CR1: variants seen among roughly 807,000 people sequenced by gnomAD.
The protein encoded by CR1 is complement receptor type 1.
In CR1, 116 loss-of-function variants were observed where a neutral mutation model predicts 187.3. That is an observed-to-expected ratio of 0.62 (90% CI 0.53 to 0.72). CR1 has a LOEUF of 0.72. CR1 is among the 30% of genes least tolerant of loss of function. CR1 has a pLI of 0.00. For missense variants in CR1, 1,731 were observed against 2,110.7 expected (o/e 0.82, Z 3.52); for synonymous variants, 576 against 747.1 (o/e 0.77, Z 3.73).
At chr1:207,585,199 T>A (rs1746659) in intron 33 of CR1, among the ~76,000 whole-genome samples, 60,260 of 152,012 alleles carry the variant, frequency 0.4, 16,411 homozygotes, top group African/African-American at 0.77. Flanking sequence ...CATGAAAACA[T>A]CTGCCTCTGA....
chr1:207,506,128 G>T (rs1341120461), intron 2 of CR1, 45 bp downstream of exon 2: 1 of 1,594,004 alleles, frequency 6.3e-7, no homozygotes, highest in African/African-American at 1.3e-5. Context: ...TCAAACATCT[G>T]TAAGATCTGA....
At chr1:207,607,062 T>G (rs1269779977) in intron 35 of CR1, among the ~76,000 whole-genome samples, 189 bp from the exon 36 acceptor site, 2 of 152,156 alleles carry the variant, frequency 1.3e-5, no homozygotes, top group South Asian at 4.1e-4. Flanking sequence ...ATTGGAGAGG[T>G]CAAAATGTAA....
At chr1:207,634,350 T>C (rs1172730989) in intron 46 of CR1, among the ~76,000 whole-genome samples, 1 of 152,238 alleles carries the variant, frequency 6.6e-6, no homozygotes, top group Non-Finnish European at 1.5e-5. Context: ...CTTTTAAGAT[T>C]AGAATTTTGA....
At chr1:207,631,578 T>A (rs1473971208) in intron 46 of CR1, among the ~76,000 whole-genome samples, 5 of 152,096 alleles carry the variant, frequency 3.3e-5, no homozygotes, top group African/African-American at 1.2e-4. Context: ...TTCCCAGGCC[T>A]CTCTCTCTCA....
chr1:207,626,646 C>G (rs929253484), intron 45 of CR1, among the ~76,000 whole-genome samples: 3 of 152,130 alleles, frequency 2.0e-5, no homozygotes, highest in African/African-American at 4.8e-5. Flanking sequence ...TATGGGAGAG[C>G]CACAGTCACA....
At chr1:207,607,436 C>T in intron 36 of CR1, 100 bp downstream of exon 36, 1 of 853,938 alleles carries the variant, frequency 1.2e-6, no homozygotes, top group South Asian at 1.5e-5. Flanking sequence ...AAAGTAGTCT[C>T]TCAGATATTT....
chr1:207,591,004 G>C (rs552382791), intron 35 of CR1, among the ~76,000 whole-genome samples: 1 of 152,128 alleles, frequency 6.6e-6, no homozygotes, highest in African/African-American at 2.4e-5. Context: ...AATAATAGTG[G>C]GAGACTTTAA....
intron 36 of CR1, among the ~76,000 whole-genome samples, chr1:207,607,542 C>G (rs1184748920): frequency 6.6e-6 from 1 of 152,098 alleles, no homozygotes. Context: ...AGGCAAAATA[C>G]CCTACTTTCC....
intron 29 of CR1, among the ~76,000 whole-genome samples, chr1:207,578,671 C>T (rs1474116537): frequency 1.3e-5 from 2 of 152,206 alleles, no homozygotes; most frequent in African/African-American, 4.8e-5. Context: ...CTAAGCGAGA[C>T]ACCCAGGATT....
chr1:207,524,115 G>A (rs1203025022), intron 5 of CR1, 106 bp downstream of exon 5: 10 of 1,597,252 alleles, frequency 6.3e-6, no homozygotes, highest in Admixed American at 1.7e-5. Flanking sequence ...GAGCAGGGTC[G>A]AGGAGCAAAT....
In CR1 at chr1:207,564,676, C is replaced by T. The variant is rs138383268; in HGVS notation, c.3866+442C>T. On this transcript the variant is annotated intron_variant, in intron 23 of 46. Transcript: ENST00000367049. ...GTTAGCTGGGTTTGGTGGCATGTGCCTGTAATCCCAGCTACTCCGGAGGCT... is the reference window on the plus strand; with the variant it reads ...GTTAGCTGGGTTTGGTGGCATGTGCTTGTAATCCCAGCTACTCCGGAGGCT... 7.5e-3 allele frequency among the ~76,000 whole-genome samples: 1,119 copies of T among 150,090 alleles called. 34 individuals carry two copies. Among genetic ancestry groups the T allele is most frequent in the Non-Finnish European group, 0.011 (715 of 67,968 alleles).
At chr1:207,635,144 A>G (rs1662773849) in intron 46 of CR1, among the ~76,000 whole-genome samples, 1 of 152,144 alleles carries the variant, frequency 6.6e-6, no homozygotes, top group South Asian at 2.1e-4. Flanking sequence ...ACACCTGTGG[A>G]TGTTTCTCAT....
chr1:207,618,248 G>GTGACT lies in CR1; in HGVS notation c.7066+3_7066+7dup, dbSNP rs748159133. 1.2e-6 allele frequency: 2 copies of GTGACT among 1,612,808 alleles called. No homozygotes were observed. Among genetic ancestry groups the GTGACT allele is most frequent in the African/African-American group, 2.7e-5 (2 of 74,864 alleles). On this transcript the variant is annotated splice_donor_variant, in intron 42 of 46. Transcript: ENST00000367049. LOFTEE classifies it high-confidence loss of function. ...AGCCAATTGGATCATTATTGCAAAG[G>GTGACT]TGACTTATTTCTTGGTATTCCTTAT...
At position 207,639,760 on chromosome 1, in the gene CR1, A is replaced by G. The variant is rs1198810149; in HGVS notation, c.*351A>G. On this transcript the variant is annotated 3_prime_UTR_variant, in exon 47 of 47. Coordinates refer to ENST00000367049, the MANE Select transcript of CR1 (RefSeq NM_000651.6). ...TAAGGTGGTCACTGTTCTTTTTTAA[A>G]ATATTTGTAATATGGAATGGGCTCA... The G allele has an allele frequency of 1.1e-5, 2 of 184,796 alleles. No homozygotes were observed. The highest frequency in any genetic ancestry group is 4.7e-5 in the African/African-American group (2 of 42,834). The allele number at this position is 184,796 out of a possible 1,614,324, so 11.4% of individuals were successfully genotyped here.
chr1:207,618,272 ATTC>A (rs769428484), intron 42 of CR1, 25 bp downstream of exon 42: 42 of 1,608,024 alleles, frequency 2.6e-5, no homozygotes, highest in Admixed American at 1.0e-4. Context: ...GGTATTCCTT[ATTC>A]TTGCTGGGTT....
chr1:207,606,965 G>T (rs1258868529), intron 35 of CR1, among the ~76,000 whole-genome samples: 1 of 152,112 alleles, frequency 6.6e-6, no homozygotes, highest in Non-Finnish European at 1.5e-5. Flanking sequence ...TAACTGCAAG[G>T]TTTCTGAAAG....
intron 45 of CR1, among the ~76,000 whole-genome samples, chr1:207,626,973 G>A (rs1662497460): frequency 6.6e-6 from 1 of 152,178 alleles, no homozygotes; most frequent in Non-Finnish European, 1.5e-5. Context: ...AGGAGGTGGA[G>A]GTTGCAGTGA....
At chr1:207,525,832 C>T (rs1288064560) in intron 5 of CR1, among the ~76,000 whole-genome samples, 1 of 151,978 alleles carries the variant, frequency 6.6e-6, no homozygotes, top group Non-Finnish European at 1.5e-5. Flanking sequence ...TGAAAATGGA[C>T]ATTACAGCAT....
rs750199221 is a variant in CR1 at position 207,588,726 on chromosome 1, A to T, written c.5762A>T (p.Asn1921Ile). 1 of 1,612,764 alleles carries T rather than the reference A, an allele frequency of 6.2e-7. No homozygotes were observed. Among genetic ancestry groups the T allele is most frequent in the Non-Finnish European group, 8.5e-7 (1 of 1,179,420 alleles). The stretch of plus-strand genomic sequence containing the variant: ...CCCTTCAATGGAATGGTGCATATAA[A>T]CACAGATACACAGTTTGGATCAACA... The part of the protein sequence containing the change: ...PEPFNGMVHI[N>I]TDTQFGSTVN... The change falls in exon 35 of 47, where the codon AAC (asparagine) becomes ATC (isoleucine). Residue 1921 changes from asparagine to isoleucine, a missense_variant. Physicochemically the swap from Asn to Ile is moderately radical, Grantham distance 149 (BLOSUM62 -3). This residue lies in a region of CR1 where 1,312 missense variants were observed against 1,379.6 expected (regional missense o/e 0.95). Coordinates refer to ENST00000367049, the MANE Select transcript of CR1 (RefSeq NM_000651.6).
Sources: gnomAD v4.1 joint callset for allele counts (sites outside exome capture counted in the v4.1 genomes callset) on GRCh38, gnomAD v4.1.1 for gene constraint, gnomAD v4.1.1 regional missense constraint, MANE v1.5 for transcripts, NCBI Gene and HGNC (gene_info 2026-07-23, HGNC 2026-07-21) for gene names.